Variants in PARM1 observed in about 807,000 individuals in gnomAD.
PARM1 encodes prostate androgen-regulated mucin-like protein 1.
In PARM1, 14 loss-of-function variants were observed where a neutral mutation model predicts 24.6. The observed-to-expected ratio is 0.57, with a 90% CI of 0.38 to 0.89. The LOEUF (loss-of-function observed/expected upper bound fraction) is 0.89. Ranked by LOEUF, PARM1 falls within the 40% of genes least tolerant of loss-of-function variation. The pLI is 0.00. For missense variants in PARM1, 362 were observed against 380.4 expected, an observed-to-expected ratio of 0.95 and a Z score of 0.40; for synonymous variants, 179 against 156.6, an observed-to-expected ratio of 1.14 and a Z score of -1.07.
At chr4:74,938,794 A>C (rs781721523) in intron 1 of PARM1, among the ~76,000 whole-genome samples, 1 of 152,190 alleles carries the variant, frequency 6.6e-6, no homozygotes, top group Non-Finnish European at 1.5e-5. Flanking sequence ...CACTTGTTTT[A>C]ACATGGCTTA....
Position 75,031,896 on chromosome 4 carries a change from A to G in PARM1, c.770-1987A>G, listed in dbSNP as rs375322809. Among the ~76,000 whole-genome samples the G allele has an allele frequency of 3.3e-5, 5 of 152,200 alleles. No individual in the cohort carries two copies. The East Asian group carries it at 9.6e-4, about 29-fold the overall frequency. ...TGTAACCCTCCTTTCATAAGCTTTT[A>G]AAAGAGCTATTACAAGGCTTCAGTG... On this transcript the variant is annotated intron_variant, in intron 2 of 3. Coordinates refer to ENST00000307428, the MANE Select transcript of PARM1 (RefSeq NM_015393.4).
intron 1 of PARM1, among the ~76,000 whole-genome samples, chr4:74,961,762 AAAAC>A (rs1721779134): frequency 6.6e-6 from 1 of 152,220 alleles, no homozygotes; most frequent in South Asian, 2.1e-4. Context: ...CATTTCCTGA[AAAAC>A]AAAATCTGAG....
chr4:75,047,671 A>G lies in PARM1; in HGVS notation c.*1424A>G, dbSNP rs1238766328. 6.6e-6 allele frequency: 1 copy of G among 152,262 alleles called. No homozygotes were observed. Among genetic ancestry groups the G allele is most frequent in the East Asian group, 1.9e-4 (1 of 5,192 alleles). The allele number at this position is 152,262 out of a possible 1,614,324, so 9.4% of individuals were successfully genotyped here. On this transcript the variant is annotated 3_prime_UTR_variant, in exon 4 of 4. Coordinates refer to ENST00000307428, the MANE Select transcript of PARM1 (RefSeq NM_015393.4). ...ACAACAGCAAAGAATCATCCACCCC[A>G]AAATATCAGTAGTGCCGAGATTGAG... is the stretch of plus-strand genomic sequence containing the variant.
chr4:75,045,137 G>A (rs914558046), intron 3 of PARM1, among the ~76,000 whole-genome samples: 1 of 152,216 alleles, frequency 6.6e-6, no homozygotes, highest in Non-Finnish European at 1.5e-5. Flanking sequence ...TGAGCTGTGT[G>A]GAGACCTGGA....
At position 75,028,625 on chromosome 4, in the gene PARM1, A is replaced by C. The variant is rs544303980; in HGVS notation, c.770-5258A>C. 7.9e-5 allele frequency among the ~76,000 whole-genome samples: 12 copies of C among 152,352 alleles called. No homozygotes were observed. In the South Asian group the frequency reaches 2.5e-3, roughly 32 times the overall value. ...GTCAAGTATTTACACGCACCTTCTA[A>C]ATAAGCTGACTGGTGAATTTTCAAG... is the stretch of plus-strand genomic sequence containing the variant. On this transcript the variant is annotated intron_variant, in intron 2 of 3. Coordinates refer to ENST00000307428, the MANE Select transcript of PARM1 (RefSeq NM_015393.4).
chr4:75,034,964 C>G (rs1276440450), intron 3 of PARM1: 1 of 152,516 alleles, frequency 6.6e-6, no homozygotes, highest in Non-Finnish European at 1.5e-5. Context: ...TCACATCCCT[C>G]TCTCCCTCTG....
chr4:75,000,095 T>C (rs1722648168), intron 1 of PARM1, among the ~76,000 whole-genome samples: 3 of 152,168 alleles, frequency 2.0e-5, no homozygotes, highest in Admixed American at 1.3e-4. Flanking sequence ...AAGCACTCCA[T>C]TCCTGACGCT....
chr4:74,975,191 G>A (rs1042251040), intron 1 of PARM1, among the ~76,000 whole-genome samples: 5 of 152,174 alleles, frequency 3.3e-5, no homozygotes, highest in African/African-American at 1.2e-4. Context: ...CCTGTTAGAT[G>A]TATTACACAT....
intron 1 of PARM1, among the ~76,000 whole-genome samples, chr4:74,973,482 C>T (rs1031750709): frequency 1.3e-5 from 2 of 150,038 alleles, no homozygotes; most frequent in Non-Finnish European, 1.5e-5. Flanking sequence ...ACCGCCTCCC[C>T]AGTTATATAT....
intron 1 of PARM1, among the ~76,000 whole-genome samples, chr4:74,949,887 CAAA>C (rs1721491139): frequency 1.4e-5 from 2 of 146,450 alleles, no homozygotes; most frequent in Admixed American, 1.4e-4. Flanking sequence ...AAAAGAGTGA[CAAA>C]GAAAGGAGTT....
chr4:74,955,600 C>A (rs1721614010), intron 1 of PARM1, among the ~76,000 whole-genome samples: 1 of 152,144 alleles, frequency 6.6e-6, no homozygotes, highest in Non-Finnish European at 1.5e-5. Context: ...GTGATGTAGC[C>A]TTTCTTTCAA....
At chr4:74,995,735 G>C (rs1415238664) in intron 1 of PARM1, among the ~76,000 whole-genome samples, 1 of 152,134 alleles carries the variant, frequency 6.6e-6, no homozygotes, top group Non-Finnish European at 1.5e-5. Flanking sequence ...GGCCAGAACA[G>C]TGTCCTCTCC....
chr4:75,022,819 C>T (rs1323109916), intron 2 of PARM1, among the ~76,000 whole-genome samples: 2 of 152,180 alleles, frequency 1.3e-5, no homozygotes, highest in Non-Finnish European at 2.9e-5. Flanking sequence ...AATGGATCAA[C>T]ACCCTCCCAT....
intron 1 of PARM1, among the ~76,000 whole-genome samples, chr4:74,945,894 T>G (rs1721402689): frequency 6.6e-6 from 1 of 152,214 alleles, no homozygotes; most frequent in African/African-American, 2.4e-5. Flanking sequence ...TTATTAATAC[T>G]CTATGACATT....
chr4:75,011,416 G>T (rs559086747), intron 1 of PARM1, among the ~76,000 whole-genome samples: 3 of 152,002 alleles, frequency 2.0e-5, no homozygotes, highest in Non-Finnish European at 2.9e-5. Context: ...CTGCGCAACC[G>T]GGTGAATGGG....
At chr4:75,022,891 T>G (rs1286524494) in intron 2 of PARM1, among the ~76,000 whole-genome samples, 1 of 152,170 alleles carries the variant, frequency 6.6e-6, no homozygotes, top group African/African-American at 2.4e-5. Flanking sequence ...AATATTGCAT[T>G]AGGAGTGCAT....
chr4:74,973,781 C>T (rs985131410), intron 1 of PARM1, among the ~76,000 whole-genome samples: 3 of 151,992 alleles, frequency 2.0e-5, no homozygotes. Context: ...AGGCCACCAC[C>T]CTCAGATTTT....
chr4:75,011,879 C>G (rs1190746452), intron 1 of PARM1, among the ~76,000 whole-genome samples: 1 of 152,152 alleles, frequency 6.6e-6, no homozygotes, highest in Non-Finnish European at 1.5e-5. Context: ...TCCCTTATAT[C>G]CCTGTGCATA....
intron 1 of PARM1, among the ~76,000 whole-genome samples, chr4:74,986,287 G>A (rs1722354323): frequency 6.6e-6 from 1 of 152,112 alleles, no homozygotes; most frequent in Admixed American, 6.6e-5. Flanking sequence ...AGTACGAAAG[G>A]CAAAACACAC....
Sources: gnomAD v4.1 joint callset for allele counts (sites outside exome capture counted in the v4.1 genomes callset) on GRCh38, gnomAD v4.1.1 for gene constraint, MANE v1.5 for transcripts, NCBI Gene and HGNC (gene_info 2026-07-23, HGNC 2026-07-21) for gene names.